Variants in PTPRD observed in about 807,000 individuals in gnomAD.
The protein encoded by PTPRD is protein tyrosine phosphatase receptor type D, also known as receptor-type tyrosine-protein phosphatase delta.
In PTPRD, 34 loss-of-function variants were observed where a neutral mutation model predicts 214.5. That is an observed-to-expected ratio of 0.16 (90% CI 0.12 to 0.21). PTPRD has a LOEUF of 0.21. Among genes scored for constraint, PTPRD ranks in the 10% least tolerant of loss-of-function variants. The pLI is 1.00. For synonymous variants in PTPRD, 1,128 were observed against 845.7 expected, an observed-to-expected ratio of 1.33 and a Z score of -5.79; for missense variants, 2,545 against 2,398.7, an observed-to-expected ratio of 1.06 and a Z score of -1.27.
At chr9:8,858,832 C>CACAT (rs1234439838) in intron 11 of PTPRD, among the ~76,000 whole-genome samples, 2 of 139,476 alleles carry the variant, frequency 1.4e-5, no homozygotes, top group African/African-American at 5.8e-5. Flanking sequence ...CACACACATA[C>CACAT]ACACACACAG....
chr9:10,589,009 G>C (rs879797519), intron 2 of PTPRD, among the ~76,000 whole-genome samples: 3 of 151,974 alleles, frequency 2.0e-5, no homozygotes, highest in South Asian at 4.1e-4. Flanking sequence ...TCTCACAAAA[G>C]AAGAAAATGA....
Position 8,316,537 on chromosome 9 carries a change from C to G in PTPRD, c.*1337G>C, listed in dbSNP as rs921724335. 4.3e-6 allele frequency: 1 copy of G among 230,366 alleles called. No individual in the cohort carries two copies. Among genetic ancestry groups the G allele is most frequent in the Admixed American group, 5.7e-5 (1 of 17,650 alleles). The allele number at this position is 230,366 out of a possible 1,614,324, so 14.3% of individuals were successfully genotyped here. On this transcript the variant is annotated 3_prime_UTR_variant, in exon 46 of 46. Transcript: ENST00000381196. ...TTGAATACACTTTTTTTAAACAACT[C>G]GATAGCTGATATATTACAACATTCT...
At chr9:8,667,759 TA>T (rs2097198425) in intron 12 of PTPRD, among the ~76,000 whole-genome samples, 1 of 151,764 alleles carries the variant, frequency 6.6e-6, no homozygotes, top group South Asian at 2.1e-4. Context: ...TATTCCAAAA[TA>T]AAAAAATAAA....
chr9:9,708,739 A>T (rs939789629), intron 7 of PTPRD, among the ~76,000 whole-genome samples: 1 of 152,078 alleles, frequency 6.6e-6, no homozygotes, highest in African/African-American at 2.4e-5. Flanking sequence ...ATGAAAATTC[A>T]CTTAAAATTG....
At chr9:10,003,807 C>G (rs1351679925) in intron 4 of PTPRD, among the ~76,000 whole-genome samples, 1 of 151,692 alleles carries the variant, frequency 6.6e-6, no homozygotes, top group African/African-American at 2.4e-5. Flanking sequence ...CTATTATTTT[C>G]CCCAATTTGA....
chr9:8,675,767 T>C (rs961974318), intron 12 of PTPRD, among the ~76,000 whole-genome samples: 1 of 152,170 alleles, frequency 6.6e-6, no homozygotes, highest in Non-Finnish European at 1.5e-5. Flanking sequence ...GTCCCCACTC[T>C]GATTCAGTCT....
At chr9:9,247,538 T>C (rs2131379315) in intron 9 of PTPRD, among the ~76,000 whole-genome samples, 1 of 152,202 alleles carries the variant, frequency 6.6e-6, no homozygotes, top group South Asian at 2.1e-4. Flanking sequence ...TCACACACTT[T>C]CTGCCTCTAC....
At chr9:8,687,741 G>GTT (rs34897285) in intron 12 of PTPRD, among the ~76,000 whole-genome samples, 112 of 145,988 alleles carry the variant, frequency 7.7e-4, no homozygotes, top group African/African-American at 2.6e-3. Flanking sequence ...TAAAATAAGA[G>GTT]TTTTTTTTTT....
rs2096996062 is a variant in PTPRD at position 8,485,982 on chromosome 9, T to C, written c.2835A>G (p.Ala945=). ...VQLSWQPPVL[A]ERNGIITKYT... The stretch of plus-strand genomic sequence containing the variant: ...ACTTGGTGATAATGCCATTTCTCTC[T>C]GCCAGGACAGGTGGTTGCCAAGATA... The change falls in exon 28 of 46, where the codon GCA becomes GCG. Residue 945 remains alanine (A), a synonymous_variant. Transcript: ENST00000381196. 6.2e-7 allele frequency: 1 copy of C among 1,614,196 alleles called. No individual in the cohort carries two copies. The highest frequency in any genetic ancestry group is 8.5e-7 in the Non-Finnish European group (1 of 1,180,026).
At chr9:8,671,166 T>A (rs748156305) in intron 12 of PTPRD, among the ~76,000 whole-genome samples, 1 of 152,166 alleles carries the variant, frequency 6.6e-6, no homozygotes, top group Non-Finnish European at 1.5e-5. Context: ...AAAATAAATG[T>A]ATTCTAAACG....
intron 14 of PTPRD, among the ~76,000 whole-genome samples, chr9:8,627,556 C>T (rs1027163103): frequency 9.9e-5 from 15 of 151,960 alleles, no homozygotes; most frequent in African/African-American, 3.4e-4. Flanking sequence ...ATTGTTCTCA[C>T]TTCAATGCAA....
intron 4 of PTPRD, among the ~76,000 whole-genome samples, chr9:10,028,199 G>A (rs2096968315): frequency 6.6e-6 from 1 of 152,190 alleles, no homozygotes; most frequent in Admixed American, 6.5e-5. Flanking sequence ...CTGCTGCCAT[G>A]TGAGACATGC....
At chr9:8,502,007 T>C (rs1379066061) in intron 23 of PTPRD, among the ~76,000 whole-genome samples, 1 of 152,198 alleles carries the variant, frequency 6.6e-6, no homozygotes, top group Admixed American at 6.5e-5. Context: ...ATATAATTTC[T>C]GTGCAAAATT....
At chr9:10,402,504 C>A (rs1433203828) in intron 2 of PTPRD, among the ~76,000 whole-genome samples, 2 of 151,580 alleles carry the variant, frequency 1.3e-5, no homozygotes, top group African/African-American at 4.8e-5. Context: ...CATTTAGTAT[C>A]TGAAGATTTC....
At chr9:9,943,107 G>A (rs1373736828) in intron 4 of PTPRD, among the ~76,000 whole-genome samples, 2 of 152,020 alleles carry the variant, frequency 1.3e-5, no homozygotes, top group Non-Finnish European at 2.9e-5. Context: ...CCTTGGTCCT[G>A]AGACAATATC....
chr9:9,376,087 G>C (rs1316271593), intron 9 of PTPRD, among the ~76,000 whole-genome samples: 6 of 137,956 alleles, frequency 4.3e-5, no homozygotes, highest in Admixed American at 1.5e-4. Context: ...TTATTATTTA[G>C]TAGATCTTAA....
At chr9:9,260,041 G>C (rs375375772) in intron 9 of PTPRD, among the ~76,000 whole-genome samples, 47 of 152,022 alleles carry the variant, frequency 3.1e-4, no homozygotes, top group African/African-American at 1.1e-3. Flanking sequence ...ATAATGGAGA[G>C]AATGCCAGAA....
intron 14 of PTPRD, among the ~76,000 whole-genome samples, chr9:8,539,494 T>G (rs1371527374): frequency 6.6e-6 from 1 of 151,780 alleles, no homozygotes; most frequent in African/African-American, 2.4e-5. Flanking sequence ...TTTAAAAATT[T>G]TAACTATTTT....
At chr9:9,606,667 T>G (rs1227159580) in intron 7 of PTPRD, among the ~76,000 whole-genome samples, 2 of 151,976 alleles carry the variant, frequency 1.3e-5, no homozygotes, top group African/African-American at 2.4e-5. Flanking sequence ...GGACAGACCC[T>G]TTATTATGTA....
Sources: gnomAD v4.1 joint callset for allele counts (sites outside exome capture counted in the v4.1 genomes callset) on GRCh38, gnomAD v4.1.1 for gene constraint, MANE v1.5 for transcripts, NCBI Gene and HGNC (gene_info 2026-07-23, HGNC 2026-07-21) for gene names.